SLC25A26: variants seen among roughly 807,000 people sequenced by gnomAD.
The protein encoded by SLC25A26 is mitochondrial S-adenosylmethionine carrier protein.
Under a neutral mutation model 37.8 loss-of-function variants are expected in SLC25A26, and 36 were observed. The observed-to-expected ratio is 0.95, with a 90% CI of 0.73 to 1.26. The LOEUF is 1.26. Among genes scored for constraint, SLC25A26 ranks in the 50% most tolerant of loss-of-function variants. SLC25A26 has a pLI of 0.00. For missense variants in SLC25A26, 390 were observed against 331.1 expected (o/e 1.18, Z -1.38); for synonymous variants, 129 against 122.5 (o/e 1.05, Z -0.35).
chr3:66,280,777 C>T (rs1333026428), intron 5 of SLC25A26, among the ~76,000 whole-genome samples: 1 of 152,046 alleles, frequency 6.6e-6, no homozygotes, highest in African/African-American at 2.4e-5. Context: ...GCTTAATCTG[C>T]TCTGCTCCTC....
intron 1 of SLC25A26, among the ~76,000 whole-genome samples, chr3:66,235,251 G>GACAAAA (rs2072219769): frequency 6.6e-6 from 1 of 151,974 alleles, no homozygotes; most frequent in Admixed American, 6.6e-5. Context: ...TGTTTTCTTT[G>GACAAAA]ACTAAGGTGT....
At chr3:66,262,178 T>G in intron 4 of SLC25A26, 23 bp downstream of exon 4, 1 of 1,236,972 alleles carries the variant, frequency 8.1e-7, no homozygotes, top group East Asian at 2.5e-5. Context: ...TTTTAAGCTC[T>G]TCTTTTCTTT....
chr3:66,296,553 C>T (rs1251559543), intron 5 of SLC25A26, among the ~76,000 whole-genome samples: 1 of 152,032 alleles, frequency 6.6e-6, no homozygotes, highest in African/African-American at 2.4e-5. Context: ...ACTATGAAAG[C>T]ATAGGGAGTA....
chr3:66,195,584 G>A (rs2071032359), intron 1 of SLC25A26, among the ~76,000 whole-genome samples: 1 of 152,250 alleles, frequency 6.6e-6, no homozygotes, highest in East Asian at 1.9e-4. Flanking sequence ...AGGCCCTCGG[G>A]CTAGCGTCTG....
chr3:66,169,408 G>T (rs1158601070), intron 1 of SLC25A26, among the ~76,000 whole-genome samples: 1 of 152,160 alleles, frequency 6.6e-6, no homozygotes, highest in Non-Finnish European at 1.5e-5. Context: ...CTGCCTTGAA[G>T]TGCCGTTTCT....
Position 66,175,130 on chromosome 3 carries a change from T to TATAC in SLC25A26, c.-354+41149_-354+41150insCATA, listed in dbSNP as rs1553650678. Among the ~76,000 whole-genome samples the TATAC allele has an allele frequency of 1.9e-4, 18 of 93,566 alleles. No individual in the cohort carries two copies. The East Asian group carries it at 3.1e-3, about 16-fold the overall frequency. 61.4% of individuals were successfully genotyped at this position (93,566 alleles called of 152,430 possible). On this transcript the variant is annotated intron_variant, in intron 1 of 10. Transcript: ENST00000676754. ...GTGTGTATATATATATATATATATA[T>TATAC]ATATATATATACACACACACACACA...
chr3:66,172,477 T>A (rs145777542), intron 1 of SLC25A26, among the ~76,000 whole-genome samples: 2,032 of 146,932 alleles, frequency 0.014, 41 homozygotes, highest in East Asian at 0.084. Flanking sequence ...AAAATAAATT[T>A]TCAGTTCAGG....
In SLC25A26 at chr3:66,243,321, C is replaced by T. The variant is rs911360817; in HGVS notation, c.300+9C>T. The T allele has an allele frequency of 3.4e-6, 5 of 1,452,202 alleles. No individual in the cohort carries two copies. Among genetic ancestry groups the T allele is most frequent in the African/African-American group, 1.4e-5 (1 of 71,894 alleles). The allele number at this position is 1,452,202 out of a possible 1,614,324, so 90.0% of individuals were successfully genotyped here. A position where few individuals can be genotyped will look rare whatever the true frequency, so the allele number is the denominator to read the frequency against. On this transcript the variant is annotated intron_variant, in intron 3 of 9. Transcript: ENST00000354883. ...CCTCTGCTGGAGAAGTGGTAAGTAACAAGTTTTGTGTATAAAATACTTCAG... is the reference window on the plus strand; with the variant it reads ...CCTCTGCTGGAGAAGTGGTAAGTAATAAGTTTTGTGTATAAAATACTTCAG...
At chr3:66,248,918 AGAT>A (rs1483506895) in intron 3 of SLC25A26, among the ~76,000 whole-genome samples, 1 of 152,184 alleles carries the variant, frequency 6.6e-6, no homozygotes, top group African/African-American at 2.4e-5. Context: ...CACAATCTCT[AGAT>A]GATTGTGCAA....
At chr3:66,153,686 G>A (rs1007892949) in intron 1 of SLC25A26, among the ~76,000 whole-genome samples, 3 of 152,228 alleles carry the variant, frequency 2.0e-5, no homozygotes, top group African/African-American at 7.2e-5. Flanking sequence ...CAAGTCTCCT[G>A]GTGGAATTTC....
intron 9 of SLC25A26, among the ~76,000 whole-genome samples, chr3:66,376,858 C>CT (rs1559754616): frequency 6.6e-6 from 1 of 152,144 alleles, no homozygotes; most frequent in African/African-American, 2.4e-5. Flanking sequence ...CCTGGCTTGC[C>CT]TTTTAGATAT....
chr3:66,156,236 C>T (rs1360965160), intron 1 of SLC25A26, among the ~76,000 whole-genome samples: 1 of 152,176 alleles, frequency 6.6e-6, no homozygotes, highest in Non-Finnish European at 1.5e-5. Context: ...GAAATGTTCA[C>T]TGGGTGCCTA....
intron 3 of SLC25A26, among the ~76,000 whole-genome samples, chr3:66,260,617 C>T (rs1213426718): frequency 6.6e-6 from 1 of 152,174 alleles, no homozygotes; most frequent in Admixed American, 6.5e-5. Flanking sequence ...CATCTAAAAT[C>T]ACATCACATG....
chr3:66,207,484 A>G (rs1414640517), intron 1 of SLC25A26, among the ~76,000 whole-genome samples: 1 of 152,214 alleles, frequency 6.6e-6, no homozygotes, highest in Non-Finnish European at 1.5e-5. Flanking sequence ...AACTTGTTTT[A>G]AAGGCAAGTC....
intron 1 of SLC25A26, among the ~76,000 whole-genome samples, chr3:66,188,933 C>T (rs899628432): frequency 5.3e-4 from 81 of 152,110 alleles, no homozygotes; most frequent in Non-Finnish European, 1.1e-3. Context: ...TATTGTGATG[C>T]CTGATCCTTA....
intron 5 of SLC25A26, among the ~76,000 whole-genome samples, chr3:66,332,510 G>A (rs977978685): frequency 6.6e-6 from 1 of 152,056 alleles, no homozygotes; most frequent in Non-Finnish European, 1.5e-5. Flanking sequence ...CTGGAATTGA[G>A]ATGTGCCTTA....
rs186520984 is a variant in SLC25A26, at chr3:66,179,556, A to G, written c.-353-41186A>G. 1.6e-4 allele frequency among the ~76,000 whole-genome samples: 24 copies of G among 152,350 alleles called. No individual in the cohort carries two copies. The East Asian group carries it at 4.2e-3, about 27-fold the overall frequency. On this transcript the variant is annotated intron_variant, in intron 1 of 10. Coordinates refer to the SLC25A26 transcript ENST00000676754. ...TATGACTTAGTTCACAGTCACATAG[A>G]TAAGGTTCTCAAAGTAAAGAATTTC...
chr3:66,144,399 C>G (rs920790217), intron 1 of SLC25A26, among the ~76,000 whole-genome samples: 1 of 152,122 alleles, frequency 6.6e-6, no homozygotes, highest in African/African-American at 2.4e-5. Flanking sequence ...AAACTCTAGA[C>G]CCGTGGTTGT....
At chr3:66,349,647 A>T (rs1341128085) in intron 6 of SLC25A26, among the ~76,000 whole-genome samples, 1 of 152,182 alleles carries the variant, frequency 6.6e-6, no homozygotes, top group Non-Finnish European at 1.5e-5. Context: ...ATTATAAATA[A>T]AGCTGTCGTA....
Sources: allele counts gnomAD v4.1 joint callset (sites outside exome capture counted in the v4.1 genomes callset), GRCh38; gene constraint gnomAD v4.1.1; transcripts MANE v1.5; gene names NCBI Gene and HGNC (gene_info 2026-07-23, HGNC 2026-07-21).